SORCS2: variants seen among roughly 807,000 people sequenced by gnomAD.
SORCS2 encodes sortilin related VPS10 domain containing receptor 2.
In SORCS2, 100 loss-of-function variants were observed where a neutral mutation model predicts 141.6. The ratio of observed to expected loss-of-function variants is 0.71; its 90% CI spans 0.60 to 0.83. The LOEUF (loss-of-function observed/expected upper bound fraction) is 0.83. Ranked by LOEUF, SORCS2 falls within the 40% of genes least tolerant of loss-of-function variation. The pLI, the probability that SORCS2 is intolerant of heterozygous loss-of-function variation, is 0.00. For synonymous variants in SORCS2, 789 were observed against 676.9 expected (o/e 1.17, Z -2.57); for missense variants, 1,646 against 1,560.2 (o/e 1.05, Z -0.93).
chr4:7,527,984 G>C (rs1463416237), intron 2 of SORCS2, among the ~76,000 whole-genome samples: 1 of 151,994 alleles, frequency 6.6e-6, no homozygotes, highest in Non-Finnish European at 1.5e-5. Context: ...TGTTGGCATC[G>C]CTGCTCCCGG....
chr4:7,621,312 C>G (rs982657322), intron 3 of SORCS2, among the ~76,000 whole-genome samples: 19 of 152,104 alleles, frequency 1.2e-4, no homozygotes, highest in African/African-American at 4.6e-4. Flanking sequence ...ATGTGTGTGT[C>G]TGTGTATGTG....
At chr4:7,719,817 C>T (rs1726458046) in intron 18 of SORCS2, among the ~76,000 whole-genome samples, 1 of 152,206 alleles carries the variant, frequency 6.6e-6, no homozygotes, top group Admixed American at 6.5e-5. Context: ...GGGAGCCAGT[C>T]TACCACCGCC....
intron 3 of SORCS2, among the ~76,000 whole-genome samples, chr4:7,596,406 A>G (rs1717281453): frequency 6.6e-6 from 1 of 152,152 alleles, no homozygotes; most frequent in Admixed American, 6.5e-5. Context: ...CTAGACCTGC[A>G]TGTCAGATTC....
chr4:7,245,064 C>G (rs976315667), intron 1 of SORCS2, among the ~76,000 whole-genome samples: 2 of 152,132 alleles, frequency 1.3e-5, no homozygotes, highest in African/African-American at 4.8e-5. Context: ...TGGATGGGGC[C>G]GAGGGTCCTG....
chr4:7,570,557 A>C (rs1373317489), intron 3 of SORCS2, among the ~76,000 whole-genome samples: 1 of 152,156 alleles, frequency 6.6e-6, no homozygotes, highest in Non-Finnish European at 1.5e-5. Context: ...TGCCTCCCAC[A>C]CCGCCCTGTA....
intron 1 of SORCS2, among the ~76,000 whole-genome samples, chr4:7,210,426 C>T (rs1194826693): frequency 6.6e-6 from 1 of 152,238 alleles, no homozygotes; most frequent in East Asian, 1.9e-4. Flanking sequence ...GGACTATAGG[C>T]ACGCGCTACC....
At chr4:7,211,213 A>T (rs1728040296) in intron 1 of SORCS2, among the ~76,000 whole-genome samples, 1 of 84,342 alleles carries the variant, frequency 1.2e-5, no homozygotes. Context: ...CGGGAGGAGC[A>T]GGAGAGCGGG....
intron 2 of SORCS2, among the ~76,000 whole-genome samples, chr4:7,413,001 A>G (rs1449624914): frequency 6.6e-6 from 1 of 152,094 alleles, no homozygotes; most frequent in Non-Finnish European, 1.5e-5. Context: ...CACATCCACG[A>G]GGCATCATGC....
chr4:7,350,088 A>C (rs1720851245), intron 1 of SORCS2, among the ~76,000 whole-genome samples: 4 of 152,218 alleles, frequency 2.6e-5, no homozygotes, highest in Admixed American at 2.6e-4. Context: ...AGTCTGGCGA[A>C]AAGGGTATTT....
chr4:7,193,187 G>A lies in SORCS2; in HGVS notation c.480+61G>A, dbSNP rs368204861. On this transcript the variant is annotated intron_variant, in intron 1 of 26. Coordinates refer to ENST00000507866, the MANE Select transcript of SORCS2 (RefSeq NM_020777.3). The surrounding 1 kb of genome is among the most constrained non-coding windows in gnomAD (Gnocchi z 4.8). ...CCGGGACACCGCGGGACACCCGGGCGGGACCGCCACGGCCCCCACCCCAGA... is the reference window on the plus strand; with the variant it reads ...CCGGGACACCGCGGGACACCCGGGCAGGACCGCCACGGCCCCCACCCCAGA... 5.2e-4 allele frequency: 738 copies of A among 1,407,856 alleles called. 7 individuals carry two copies. In the African/African-American group the frequency reaches 8.7e-3, roughly 17 times the overall value. 87.2% of individuals were successfully genotyped at this position (1,407,856 alleles called of 1,614,324 possible).
intron 3 of SORCS2, among the ~76,000 whole-genome samples, chr4:7,633,555 C>T (rs1293314777): frequency 8.8e-6 from 1 of 113,548 alleles, no homozygotes; most frequent in East Asian, 1.9e-4. Context: ...TTGCTTGGAC[C>T]ATGTGGTTTT....
chr4:7,473,452 C>A (rs28361965), intron 2 of SORCS2, among the ~76,000 whole-genome samples: 6 of 151,974 alleles, frequency 3.9e-5, no homozygotes, highest in Non-Finnish European at 8.8e-5. Context: ...CTTCACCCTG[C>A]GGTTGGGAAG....
rs1420791274 is a variant in SORCS2, at chr4:7,233,769, C to T, written c.480+40643C>T. Among the ~76,000 whole-genome samples the T allele has an allele frequency of 6.6e-6, 1 of 152,160 alleles. No homozygotes were observed. Among genetic ancestry groups the T allele is most frequent in the Non-Finnish European group, 1.5e-5 (1 of 68,036 alleles). On this transcript the variant is annotated intron_variant, in intron 1 of 26. Coordinates refer to ENST00000507866, the MANE Select transcript of SORCS2 (RefSeq NM_020777.3). This position sits in a 1 kb window ranked among gnomAD's most constrained non-coding sequence, Gnocchi z 4.5. ...TCTGCCCACCTGGGCCTCAGGCGAG[C>T]CTGTACTCCTGCACGCCTCAGTTTT...
chr4:7,258,275 T>C (rs776052961), intron 1 of SORCS2, among the ~76,000 whole-genome samples: 1 of 152,194 alleles, frequency 6.6e-6, no homozygotes, highest in Non-Finnish European at 1.5e-5. Flanking sequence ...ATCAGGTGTT[T>C]CTCCTAGTGC....
In SORCS2 at chr4:7,474,535, GC is replaced by G. The variant is rs369114150; in HGVS notation, c.549-56994del. ...GCAGGAGGGCATGGGCCAGCAGGGGGCTCGGAGCAAGTGTCACAGAGTCCCC... is the reference window on the plus strand; with the variant it reads ...GCAGGAGGGCATGGGCCAGCAGGGGGTCGGAGCAAGTGTCACAGAGTCCCC... On this transcript the variant is annotated intron_variant, in intron 2 of 26. Coordinates refer to ENST00000507866, the MANE Select transcript of SORCS2 (RefSeq NM_020777.3). 5.4e-4 allele frequency among the ~76,000 whole-genome samples: 82 copies of G among 152,322 alleles called. No individual in the cohort carries two copies. In the East Asian group the frequency reaches 0.014, roughly 27 times the overall value.
rs139374683 is a variant in SORCS2 at position 7,712,473 on chromosome 4, G to A, written c.1869-260G>A. Among the ~76,000 whole-genome samples, 535 of 152,346 alleles carry A rather than the reference G, an allele frequency of 3.5e-3. 1 individual carries two copies. The highest frequency in any genetic ancestry group is 5.7e-3 in the Non-Finnish European group (389 of 68,034). On this transcript the variant is annotated intron_variant, in intron 14 of 26. Transcript: ENST00000507866. ...GGGGCCACTGGGGGCCAACCAGAGC[G>A]ACTCACGCAGTGCAATTGACAAGTC...
Position 7,201,995 on chromosome 4 carries a change from G to A in SORCS2, c.480+8869G>A, listed in dbSNP as rs755048419. On this transcript the variant is annotated intron_variant, in intron 1 of 26. Transcript: ENST00000507866. The surrounding 1 kb of genome is among the most constrained non-coding windows in gnomAD (Gnocchi z 4.4). ...ATCCTGCTTTTTCTTGGAAAGCGCC[G>A]TCCTGGATGTGAGCTTGGATTCTGG... Among the ~76,000 whole-genome samples the A allele has an allele frequency of 1.3e-5, 2 of 151,922 alleles. No individual in the cohort carries two copies. The highest frequency in any genetic ancestry group is 2.1e-4 in the South Asian group (1 of 4,802).
chr4:7,192,767 C>T lies in SORCS2; in HGVS notation c.121C>T (p.Leu41=). Residue 41 remains leucine (L), a synonymous_variant, in exon 1 of 27, where the codon CTG becomes TTG. Transcript: ENST00000507866. This position sits in a 1 kb window ranked among gnomAD's most constrained non-coding sequence, Gnocchi z 4.0. ...CTCGCGGCCGCTCCTGCTGCTGCTG[C>T]TGCTGCTGGGCGCCTGCGGGGCGGC... ...PRSRPLLLLL[L]LLGACGAAGR... is the part of the protein sequence containing the mutation. 7.0e-6 allele frequency: 7 copies of T among 1,005,170 alleles called. No homozygotes were observed. Among genetic ancestry groups the T allele is most frequent in the Non-Finnish European group, 8.3e-6 (7 of 844,914 alleles). 62.3% of individuals were successfully genotyped at this position (1,005,170 alleles called of 1,614,324 possible).
intron 2 of SORCS2, among the ~76,000 whole-genome samples, chr4:7,448,308 G>A (rs74732005): frequency 0.026 from 3,934 of 152,092 alleles, 184 homozygotes; most frequent in African/African-American, 0.091. Flanking sequence ...GCGTGCTTAG[G>A]GCCCTGCGCC....
Sources: allele counts gnomAD v4.1 joint callset (sites outside exome capture counted in the v4.1 genomes callset), GRCh38; gene constraint gnomAD v4.1.1; non-coding constraint Gnocchi (gnomAD v3.1); transcripts MANE v1.5; gene names NCBI Gene and HGNC (gene_info 2026-07-23, HGNC 2026-07-21).